The following DUS1L variants were observed in gnomAD, a reference collection of about 807,000 sequenced individuals.
DUS1L encodes tRNA-dihydrouridine(16/17) synthase [NAD(P)(+)]-like.
A neutral mutation model predicts 61.2 loss-of-function variants in DUS1L; 56 were observed. The ratio of observed to expected loss-of-function variants is 0.92; its 90% CI spans 0.74 to 1.14. The LOEUF (loss-of-function observed/expected upper bound fraction) is 1.14. Ranked by LOEUF, DUS1L falls within the 50% of genes most tolerant of loss-of-function variation. The pLI is 0.00. For synonymous variants in DUS1L, 278 were observed against 259.5 expected (o/e 1.07, Z -0.69); for missense variants, 630 against 632.4 (o/e 1.00, Z 0.04).
intron 4 of DUS1L, 163 bp downstream of exon 4, chr17:82,063,305 C>T: frequency 1.0e-6 from 1 of 975,360 alleles, no homozygotes; most frequent in Non-Finnish European, 1.6e-6. Context: ...TTCACAGCCA[C>T]CTCCTTCCAG....
At chr17:82,061,750 C>A (rs757355693) in intron 6 of DUS1L, 29 bp from the exon 7 acceptor site, 1 of 1,610,558 alleles carries the variant, frequency 6.2e-7, no homozygotes, top group Non-Finnish European at 8.5e-7. Context: ...CTGTTTCCAC[C>A]CGCCCGGAAC....
chr17:82,059,633 T>A (rs555242815), intron 11 of DUS1L: 3 of 380,090 alleles, frequency 7.9e-6, no homozygotes, highest in South Asian at 4.3e-5. Context: ...GTGTCCTGTG[T>A]GAGGCTGGGC....
intron 2 of DUS1L, 126 bp from the exon 3 acceptor site, chr17:82,064,360 T>G: frequency 1.3e-6 from 1 of 747,018 alleles, no homozygotes; most frequent in Non-Finnish European, 2.2e-6. Flanking sequence ...GAGGGTGCTC[T>G]GTCCTGCGGA....
chr17:82,058,631 A>G (rs1421937013), intron 12 of DUS1L, 150 bp downstream of exon 12: 1 of 1,507,058 alleles, frequency 6.6e-7, no homozygotes, highest in South Asian at 1.3e-5. Context: ...GCTGGAAGCA[A>G]GGGGCCGTCC....
At chr17:82,061,154 C>T (rs1049839424) in intron 8 of DUS1L, 55 bp downstream of exon 8, 33 of 1,557,726 alleles carry the variant, frequency 2.1e-5, no homozygotes, top group Admixed American at 3.7e-5. Context: ...TGGGGTCTGA[C>T]GGAATCTGCC....
chr17:82,064,915 G>C lies in DUS1L; in HGVS notation c.145C>G (p.Leu49Val). 1.2e-6 allele frequency: 2 copies of C among 1,612,708 alleles called. No individual in the cohort carries two copies. Among genetic ancestry groups the C allele is most frequent in the Non-Finnish European group, 8.5e-7 (1 of 1,179,870 alleles). Residue 49 changes from leucine to valine, a missense_variant, in exon 2 of 14, where the codon CTG becomes GTG. Leu to Val is a conservative substitution (Grantham distance 32). Coordinates refer to ENST00000306796, the MANE Select transcript of DUS1L (RefSeq NM_022156.5). ...TCGCGGACAAAGACCTGGGCATGCA[G>C]CATGGGCGTGTAGCAGAGCTGTGCC... ...HGAQLCYTPM[L>V]HAQVFVRDAN...
chr17:82,062,278 T>A (rs2033545444), intron 5 of DUS1L, among the ~76,000 whole-genome samples: 1 of 152,244 alleles, frequency 6.6e-6, no homozygotes, highest in Non-Finnish European at 1.5e-5. Flanking sequence ...AGTGGCAGCA[T>A]CCCCACTGCC....
chr17:82,059,796 G>T, intron 11 of DUS1L, 152 bp downstream of exon 11: 1 of 1,123,478 alleles, frequency 8.9e-7, no homozygotes, highest in Non-Finnish European at 1.3e-6. Context: ...CCCAAGTCTG[G>T]CTGACTACTC....
intron 3 of DUS1L, 69 bp from the exon 4 acceptor site, chr17:82,063,587 CT>C: frequency 1.3e-6 from 2 of 1,597,980 alleles, no homozygotes; most frequent in Non-Finnish European, 8.5e-7. Flanking sequence ...CTTGCACCCC[CT>C]CTGCACCCTT....
intron 4 of DUS1L, 197 bp downstream of exon 4, chr17:82,063,271 G>A: frequency 1.4e-6 from 1 of 719,042 alleles, no homozygotes; most frequent in Non-Finnish European, 2.3e-6. Context: ...GGTTTTAAGG[G>A]GTGGGTGGTG....
chr17:82,060,209 TGTGA>T (rs58345554), intron 10 of DUS1L, 116 bp from the exon 11 acceptor site: 69,724 of 1,346,952 alleles, frequency 0.052, 5,073 homozygotes, highest in African/African-American at 0.35. Flanking sequence ...GTGCCGCTGC[TGTGA>T]GGAGTGCCCT....
In DUS1L at chr17:82,058,134, A is replaced by ATGAC. The variant is rs1392904863; in HGVS notation, c.1399_1402dup (p.Met468SerfsTer40). The stretch of plus-strand genomic sequence containing the variant: ...GGGCCTTCAGGCCAGGGCACTGCCC[A>ATGAC]TGACTTCGGAGAAGCCACCTGGTGT... On this transcript the variant is annotated frameshift_variant, in exon 14 of 14. Transcript: ENST00000306796. LOFTEE classifies it high-confidence loss of function. The ATGAC allele has an allele frequency of 6.3e-7, 1 of 1,587,232 alleles. No homozygotes were observed. Among genetic ancestry groups the ATGAC allele is most frequent in the Non-Finnish European group, 8.6e-7 (1 of 1,162,320 alleles).
At position 82,062,874 on chromosome 17, in the gene DUS1L, T is replaced by G; in HGVS notation, c.497A>C (p.Lys166Thr). Residue 166 changes from lysine to threonine, a missense_variant, in exon 5 of 14, where the codon AAG becomes ACG. Transcript: ENST00000306796. ...KTVRYAQMLE[K>T]AGCQLLTVHG... ...CCCAGGGCTCACCTGGCAGCCGGCC[T>G]TCTCCAGCATCTGGGCGTACCTCAC... 5 of 1,612,704 alleles carry G rather than the reference T, an allele frequency of 3.1e-6. No individual in the cohort carries two copies. Among genetic ancestry groups the G allele is most frequent in the Non-Finnish European group, 4.2e-6 (5 of 1,179,886 alleles).
chr17:82,061,962 T>G lies in DUS1L; in HGVS notation c.532A>C (p.Thr178Pro), dbSNP rs2033525235. 2 of 1,609,420 alleles carry G rather than the reference T, an allele frequency of 1.2e-6. No homozygotes were observed. The highest frequency in any genetic ancestry group is 8.5e-7 in the Non-Finnish European group (1 of 1,178,274). ...GCQLLTVHGR[T>P]KEQKGPLSGA... ...GACAGGGGCCCCTTCTGCTCCTTGG[T>G]GCGTCCGTGCACCGTCAGCAACTAG... The change falls in exon 6 of 14, where the codon ACC becomes CCC. Residue 178 changes from threonine (T) to proline (P), a missense_variant. Coordinates refer to ENST00000306796, the MANE Select transcript of DUS1L (RefSeq NM_022156.5).
chr17:82,062,055 C>A (rs1427896005), intron 5 of DUS1L, 72 bp from the exon 6 acceptor site: 2 of 1,355,062 alleles, frequency 1.5e-6, no homozygotes, highest in East Asian at 2.5e-5. Flanking sequence ...CGCCCCTCCA[C>A]GCCCCCTCTG....
At position 82,064,873 on chromosome 17, in the gene DUS1L, C is replaced by T; in HGVS notation, c.187G>A (p.Glu63Lys). 6.2e-7 allele frequency: 1 copy of T among 1,612,628 alleles called. No homozygotes were observed. Reference sequence around the variant, plus strand: ...GGGCACACCTCGCAGTACAGGTTCTCCTTCCGGTAGTTGGCGTCGCGGACA... The same window carrying T: ...GGGCACACCTCGCAGTACAGGTTCTTCTTCCGGTAGTTGGCGTCGCGGACA... Reference protein sequence around the residue: ...VFVRDANYRKENLYCEVCPED... With the variant: ...VFVRDANYRKKNLYCEVCPED... The change falls in exon 2 of 14, where the codon GAG (glutamate) becomes AAG (lysine). Residue 63 changes from glutamate (E) to lysine (K), a missense_variant. Transcript: ENST00000306796.
At chr17:82,063,219 G>A (rs2033596993) in intron 4 of DUS1L, 2 of 634,702 alleles carry the variant, frequency 3.2e-6, no homozygotes, top group East Asian at 2.7e-5. Flanking sequence ...GGACATCTGG[G>A]GCTGGGCCCG....
In DUS1L at chr17:82,065,804, C is replaced by T. The variant is rs1238387636; in HGVS notation, c.-202G>A. ...CGGGCCCAAGGCTCCGCGCCGCCAC[C>T]GGAAGGTGCCCGGTCCTGCGCGGTC... On this transcript the variant is annotated 5_prime_UTR_variant, in exon 1 of 14. Coordinates refer to ENST00000306796, the MANE Select transcript of DUS1L (RefSeq NM_022156.5). The T allele has an allele frequency of 2.0e-5, 3 of 150,364 alleles. No individual in the cohort carries two copies. Among genetic ancestry groups the T allele is most frequent in the African/African-American group, 7.3e-5 (3 of 41,212 alleles). The allele number at this position is 150,364 out of a possible 1,614,324, so 9.3% of individuals were successfully genotyped here. A position where few individuals can be genotyped will look rare whatever the true frequency, so the allele number is the denominator to read the frequency against.
At position 82,061,999 on chromosome 17, in the gene DUS1L, G is replaced by A. The variant is rs2033527221; in HGVS notation, c.511-16C>T. The A allele has an allele frequency of 1.3e-6, 2 of 1,579,456 alleles. No individual in the cohort carries two copies. Among genetic ancestry groups the A allele is most frequent in the African/African-American group, 1.3e-5 (1 of 74,386 alleles). ...CCGTCAGCAACTAGGACAGAGCAGT[G>A]GTCGCTTGACCCCTCCAAGCCCCTT... is the stretch of plus-strand genomic sequence containing the variant. On this transcript the variant is annotated splice_polypyrimidine_tract_variant and intron_variant, in intron 5 of 13. Transcript: ENST00000306796.
Sources: gnomAD v4.1 joint callset for allele counts (sites outside exome capture counted in the v4.1 genomes callset) on GRCh38, gnomAD v4.1.1 for gene constraint, MANE v1.5 for transcripts, NCBI Gene and HGNC (gene_info 2026-07-23, HGNC 2026-07-21) for gene names.